Variants in PMM2 observed in about 807,000 individuals in gnomAD.
PMM2 encodes the protein mannose-6-phosphate isomerase.
Under a neutral mutation model 33.2 loss-of-function variants are expected in PMM2, and 35 were observed. The observed-to-expected ratio is 1.06, with a 90% CI of 0.81 to 1.40. The LOEUF is 1.40. Among genes scored for constraint, PMM2 ranks in the 40% most tolerant of loss-of-function variants. PMM2 has a pLI of 0.00. For missense variants in PMM2, 386 were observed against 306.0 expected (o/e 1.26, Z -1.95); for synonymous variants, 153 against 114.7 (o/e 1.33, Z -2.13).
intron 7 of PMM2, among the ~76,000 whole-genome samples, chr16:8,846,359 C>A (rs9940854): frequency 1.3e-5 from 2 of 151,968 alleles, no homozygotes; most frequent in Admixed American, 1.3e-4. Flanking sequence ...CTTTTTTCTA[C>A]GGTTGTGTTC....
intron 7 of PMM2, among the ~76,000 whole-genome samples, chr16:8,819,076 A>C (rs1393485582): frequency 1.3e-5 from 2 of 152,224 alleles, no homozygotes; most frequent in Non-Finnish European, 2.9e-5. Flanking sequence ...AATATCAAGC[A>C]GCTGGTTTGG....
chr16:8,840,654 C>T (rs1339367585), intron 7 of PMM2, among the ~76,000 whole-genome samples: 1 of 151,944 alleles, frequency 6.6e-6, no homozygotes, highest in Admixed American at 6.6e-5. Flanking sequence ...AGAGTACTTG[C>T]AACTTCCAGG....
intron 7 of PMM2, 82 bp from the exon 8 acceptor site, chr16:8,847,642 T>C: frequency 2.0e-6 from 2 of 995,158 alleles, no homozygotes; most frequent in Non-Finnish European, 3.2e-6. Flanking sequence ...GTTTTTTGGG[T>C]ACTTTTGGAC....
intron 7 of PMM2, chr16:8,842,405 A>G (rs2141046722): frequency 6.6e-6 from 1 of 152,328 alleles, no homozygotes; most frequent in Admixed American, 6.5e-5. Context: ...GTGGAAAGAA[A>G]GTAGATCATG....
intron 7 of PMM2, among the ~76,000 whole-genome samples, chr16:8,845,879 G>T (rs2060922572): frequency 6.6e-6 from 1 of 151,884 alleles, no homozygotes; most frequent in South Asian, 2.1e-4. Flanking sequence ...CTACTCGAGA[G>T]GCTGAGGCAG....
intron 7 of PMM2, among the ~76,000 whole-genome samples, chr16:8,819,645 C>T (rs1214486027): frequency 2.0e-5 from 3 of 150,600 alleles, no homozygotes; most frequent in African/African-American, 4.9e-5. Context: ...TAGTGAGCCA[C>T]GATTGCGCCA....
At chr16:8,800,665 C>CTTTTTT (rs35148703) in intron 1 of PMM2, among the ~76,000 whole-genome samples, 9 of 126,636 alleles carry the variant, frequency 7.1e-5, no homozygotes, top group Admixed American at 1.6e-4. Flanking sequence ...TAAGCTTCTC[C>CTTTTTT]TTTTTTTTTT....
chr16:8,801,548 A>G (rs1024523452), intron 1 of PMM2, among the ~76,000 whole-genome samples: 2 of 152,070 alleles, frequency 1.3e-5, no homozygotes, highest in Admixed American at 6.5e-5. Context: ...GCACATAACT[A>G]TGGTCCCAGC....
At chr16:8,841,122 T>G (rs554058208) in intron 7 of PMM2, among the ~76,000 whole-genome samples, 9 of 138,482 alleles carry the variant, frequency 6.5e-5, no homozygotes, top group African/African-American at 1.2e-4. Flanking sequence ...AGCTTGGTGA[T>G]GTGTACCTTT....
chr16:8,810,964 A>G (rs2141022818), intron 4 of PMM2, 115 bp from the exon 5 acceptor site: 1 of 721,182 alleles, frequency 1.4e-6, no homozygotes. Context: ...GCTGAGAAAC[A>G]TTGACCACAC....
chr16:8,835,992 A>G (rs571865433), intron 7 of PMM2, among the ~76,000 whole-genome samples: 5,819 of 132,346 alleles, frequency 0.044, 191 homozygotes, highest in Middle Eastern at 0.13. Flanking sequence ...GTCTCGGCCT[A>G]ATAAGGGAAC....
At chr16:8,827,483 C>T (rs1020162233) in intron 7 of PMM2, among the ~76,000 whole-genome samples, 3 of 150,318 alleles carry the variant, frequency 2.0e-5, no homozygotes, top group Non-Finnish European at 4.4e-5. Flanking sequence ...GCAGCCTCTG[C>T]CTCCCGGGTT....
At chr16:8,803,856 G>T (rs1286822525) in intron 2 of PMM2, among the ~76,000 whole-genome samples, 4 of 150,342 alleles carry the variant, frequency 2.7e-5, no homozygotes, top group Non-Finnish European at 5.9e-5. Context: ...GCTAATTTTT[G>T]TATTTTTAGT....
intron 7 of PMM2, among the ~76,000 whole-genome samples, chr16:8,827,760 A>G (rs1464677324): frequency 2.8e-5 from 2 of 71,396 alleles, no homozygotes; most frequent in African/African-American, 5.2e-5. Context: ...ATATATATAT[A>G]TGCACACATT....
chr16:8,846,360 G>A (rs1009180219), intron 7 of PMM2, among the ~76,000 whole-genome samples: 23 of 152,114 alleles, frequency 1.5e-4, no homozygotes, highest in African/African-American at 4.1e-4. Flanking sequence ...TTTTTTCTAC[G>A]GTTGTGTTCA....
chr16:8,817,920 T>TG (rs945553978), intron 7 of PMM2, among the ~76,000 whole-genome samples: 4 of 151,676 alleles, frequency 2.6e-5, no homozygotes, highest in Non-Finnish European at 5.9e-5. Flanking sequence ...TTTTTTTTTT[T>TG]TGAGACAGAG....
chr16:8,811,754 T>G, intron 6 of PMM2, 41 bp downstream of exon 6: 2 of 1,339,118 alleles, frequency 1.5e-6, no homozygotes, highest in Non-Finnish European at 2.2e-6. Flanking sequence ...TGGATACCCA[T>G]TTCCCAGAGT....
intron 7 of PMM2, among the ~76,000 whole-genome samples, chr16:8,825,816 C>T (rs2060764563): frequency 7.0e-6 from 1 of 142,352 alleles, no homozygotes; most frequent in Non-Finnish European, 1.5e-5. Context: ...AGTGCAGTGG[C>T]ACATTCTCAG....
chr16:8,800,717 T>G (rs542235551), intron 1 of PMM2, among the ~76,000 whole-genome samples: 245 of 151,550 alleles, frequency 1.6e-3, no homozygotes, highest in Non-Finnish European at 3.0e-3. Context: ...GAAGTCTCGC[T>G]CTGTGACCCA....
Sources: allele counts gnomAD v4.1 joint callset (sites outside exome capture counted in the v4.1 genomes callset), GRCh38; gene constraint gnomAD v4.1.1; transcripts MANE v1.5; gene names NCBI Gene and HGNC (gene_info 2026-07-23, HGNC 2026-07-21).